ZNF385B: variants seen among roughly 807,000 people sequenced by gnomAD.
ZNF385B encodes the protein zinc finger protein 385B.
A neutral mutation model predicts 39.2 loss-of-function variants in ZNF385B; 23 were observed. The ratio of observed to expected loss-of-function variants is 0.59; its 90% confidence interval spans 0.42 to 0.83. The LOEUF (loss-of-function observed/expected upper bound fraction) is 0.83. ZNF385B is among the 40% of genes least tolerant of loss of function. The pLI, the probability that ZNF385B is intolerant of heterozygous loss-of-function variation, is 0.00. For missense variants in ZNF385B, 552 were observed against 598.9 expected (o/e 0.92, Z 0.82); for synonymous variants, 205 against 222.6 (o/e 0.92, Z 0.70).
At chr2:179,639,167 G>A (rs745923594) in intron 3 of ZNF385B, among the ~76,000 whole-genome samples, 12 of 145,534 alleles carry the variant, frequency 8.2e-5, no homozygotes, top group Admixed American at 3.6e-4. Context: ...GGTTAAGGCC[G>A]CAGTGAGCCA....
At chr2:179,490,299 T>C (rs950055129) in intron 5 of ZNF385B, among the ~76,000 whole-genome samples, 4 of 149,008 alleles carry the variant, frequency 2.7e-5, no homozygotes, top group African/African-American at 4.9e-5. Flanking sequence ...TTTGAATATA[T>C]GAGCATTACA....
Position 179,518,581 on chromosome 2 carries a change from T to G in ZNF385B, c.499A>C (p.Lys167Gln). The G allele has an allele frequency of 6.2e-7, 1 of 1,609,882 alleles. No individual in the cohort carries two copies. The highest frequency in any genetic ancestry group is 8.5e-7 in the Non-Finnish European group (1 of 1,178,554). The change falls in exon 5 of 10, where the codon AAG becomes CAG. Residue 167 changes from lysine (K) to glutamine (Q), a missense_variant. Lys to Gln is a moderately conservative substitution (Grantham distance 53). Transcript: ENST00000410066. The stretch of plus-strand genomic sequence containing the variant: ...TTACAAGAAATAACTTGTTTCTTCT[T>G]TGGGGGAATGGATACTCCAAATGTA... ...NHTFGVSIPP[K>Q]KKQVISCNVC...
chr2:179,537,761 AC>A (rs1288121166), intron 4 of ZNF385B, among the ~76,000 whole-genome samples: 257 of 125,440 alleles, frequency 2.0e-3, no homozygotes, highest in African/African-American at 7.2e-3. Context: ...AAACAAACAA[AC>A]AAACAAAAAA....
intron 6 of ZNF385B, among the ~76,000 whole-genome samples, chr2:179,449,387 G>A (rs992693600): frequency 6.6e-6 from 1 of 151,934 alleles, no homozygotes; most frequent in South Asian, 2.1e-4. Context: ...TAAGCTGATA[G>A]GTAACTTCAG....
At chr2:179,515,146 A>G (rs1027803596) in intron 5 of ZNF385B, among the ~76,000 whole-genome samples, 1 of 152,188 alleles carries the variant, frequency 6.6e-6, no homozygotes, top group African/African-American at 2.4e-5. Flanking sequence ...TGAGAGATTC[A>G]TAATTGTCCC....
intron 1 of ZNF385B, among the ~76,000 whole-genome samples, chr2:179,854,132 A>G (rs890270479): frequency 6.6e-6 from 1 of 152,184 alleles, no homozygotes; most frequent in African/African-American, 2.4e-5. Flanking sequence ...TCTTATTCTA[A>G]GCATTAGATT....
chr2:179,740,202 A>G (rs551715055), intron 3 of ZNF385B, among the ~76,000 whole-genome samples: 1 of 152,286 alleles, frequency 6.6e-6, no homozygotes, highest in East Asian at 1.9e-4. Flanking sequence ...CATTTCTTCC[A>G]TTGTCTGCTT....
chr2:179,522,930 T>C (rs1322605126), intron 4 of ZNF385B: 1 of 433,710 alleles, frequency 2.3e-6, no homozygotes, highest in Non-Finnish European at 4.8e-6. Flanking sequence ...TCTAAAAAAG[T>C]AAAAGTTAGA....
intron 6 of ZNF385B, among the ~76,000 whole-genome samples, chr2:179,459,960 T>C (rs561255269): frequency 5.9e-5 from 9 of 151,564 alleles, no homozygotes; most frequent in East Asian, 3.9e-4. Context: ...AAAAATTAGC[T>C]GAGCATGGTG....
intron 1 of ZNF385B, among the ~76,000 whole-genome samples, chr2:179,812,285 A>G (rs143901102): frequency 6.6e-6 from 1 of 152,196 alleles, no homozygotes; most frequent in African/African-American, 2.4e-5. Context: ...CAATCCCATT[A>G]CTGGGTATCT....
intron 3 of ZNF385B, among the ~76,000 whole-genome samples, chr2:179,759,900 A>T (rs1012509479): frequency 6.6e-6 from 1 of 152,160 alleles, no homozygotes; most frequent in Non-Finnish European, 1.5e-5. Context: ...ATCTCTAATT[A>T]TGCTACTAGA....
At chr2:179,741,794 A>T (rs1312753847) in intron 3 of ZNF385B, among the ~76,000 whole-genome samples, 1 of 152,136 alleles carries the variant, frequency 6.6e-6, no homozygotes, top group Non-Finnish European at 1.5e-5. Context: ...TAATTAAAGG[A>T]TTCCAAAGAT....
chr2:179,740,607 C>A (rs994673863), intron 3 of ZNF385B, among the ~76,000 whole-genome samples: 1 of 152,142 alleles, frequency 6.6e-6, no homozygotes, highest in South Asian at 2.1e-4. Context: ...ATTATGGATT[C>A]ACATTGGTAT....
chr2:179,469,535 G>C (rs1441602565), intron 6 of ZNF385B, among the ~76,000 whole-genome samples: 1 of 152,138 alleles, frequency 6.6e-6, no homozygotes, highest in Non-Finnish European at 1.5e-5. Flanking sequence ...ACACTATTAA[G>C]AGATCCCTGA....
chr2:179,715,933 A>G (rs1343124936), intron 3 of ZNF385B, among the ~76,000 whole-genome samples: 5 of 152,138 alleles, frequency 3.3e-5, no homozygotes, highest in Non-Finnish European at 7.4e-5. Flanking sequence ...GCCCATTTAA[A>G]TAATTTATGC....
At chr2:179,570,932 T>G (rs1248210533) in intron 3 of ZNF385B, among the ~76,000 whole-genome samples, 2 of 152,176 alleles carry the variant, frequency 1.3e-5, no homozygotes, top group Admixed American at 6.5e-5. Flanking sequence ...TAAATCAAAT[T>G]TTATTTTTAA....
chr2:179,739,053 C>G (rs1701933535), intron 3 of ZNF385B, among the ~76,000 whole-genome samples: 2 of 152,148 alleles, frequency 1.3e-5, no homozygotes, highest in Admixed American at 6.5e-5. Context: ...ACTGCAAATT[C>G]AAATCTCAGC....
chr2:179,799,011 A>G (rs1705861336), intron 1 of ZNF385B, among the ~76,000 whole-genome samples: 1 of 151,996 alleles, frequency 6.6e-6, no homozygotes, highest in Non-Finnish European at 1.5e-5. Context: ...ATATTTAGAT[A>G]TTTGATTTTA....
intron 6 of ZNF385B, among the ~76,000 whole-genome samples, chr2:179,474,699 T>C (rs2105541899): frequency 6.6e-6 from 1 of 152,292 alleles, no homozygotes; most frequent in Non-Finnish European, 1.5e-5. Context: ...TTTTCTAGAA[T>C]ATAGGATATT....
Sources: gnomAD v4.1 joint callset for allele counts (sites outside exome capture counted in the v4.1 genomes callset) on GRCh38, gnomAD v4.1.1 for gene constraint, MANE v1.5 for transcripts, NCBI Gene and HGNC (gene_info 2026-07-23, HGNC 2026-07-21) for gene names.